KCNMB2: variants seen among roughly 807,000 people sequenced by gnomAD.
KCNMB2 encodes potassium calcium-activated channel subfamily M regulatory beta subunit 2, also known as calcium-activated potassium channel subunit beta-2.
In KCNMB2, 9 loss-of-function variants were observed where a neutral mutation model predicts 24.5. The ratio of observed to expected loss-of-function variants is 0.37; its 90% CI spans 0.22 to 0.64. KCNMB2 has a LOEUF of 0.64. KCNMB2 is among the 30% of genes least tolerant of loss of function. The pLI is 0.63. For synonymous variants in KCNMB2, 109 were observed against 104.4 expected, an observed-to-expected ratio of 1.04 and a Z score of -0.27; for missense variants, 226 against 284.3, an observed-to-expected ratio of 0.79 and a Z score of 1.47.
chr3:178,811,245 G>C (rs897937289), intron 2 of KCNMB2, among the ~76,000 whole-genome samples: 1 of 151,794 alleles, frequency 6.6e-6, no homozygotes, highest in Admixed American at 6.6e-5. Flanking sequence ...AAACATCCAG[G>C]TACCCATCAT....
intron 1 of KCNMB2, among the ~76,000 whole-genome samples, chr3:178,697,898 G>GT (rs35782704): frequency 0.71 from 106,736 of 150,802 alleles, 38,037 homozygotes; most frequent in African/African-American, 0.84. Context: ...TGGGTTAAAA[G>GT]TTTTTTTTTT....
intron 1 of KCNMB2, among the ~76,000 whole-genome samples, chr3:178,794,964 G>A (rs935881708): frequency 6.6e-6 from 1 of 152,120 alleles, no homozygotes; most frequent in Admixed American, 6.5e-5. Flanking sequence ...TGCCTAGGGT[G>A]TAAAAAACAG....
At chr3:178,616,925 T>C (rs968360910) in intron 1 of KCNMB2, among the ~76,000 whole-genome samples, 1 of 152,222 alleles carries the variant, frequency 6.6e-6, no homozygotes, top group African/African-American at 2.4e-5. Context: ...CTGGAATCAA[T>C]GACCAGAGGG....
At chr3:178,663,250 CTAGGGTT>C (rs1422347143) in intron 1 of KCNMB2, among the ~76,000 whole-genome samples, 2 of 152,150 alleles carry the variant, frequency 1.3e-5, no homozygotes, top group African/African-American at 4.8e-5. Context: ...TGTCCCAAAC[CTAGGGTT>C]AATGTGGAGA....
At chr3:178,727,300 G>A (rs535721389) in intron 1 of KCNMB2, among the ~76,000 whole-genome samples, 10 of 151,624 alleles carry the variant, frequency 6.6e-5, no homozygotes, top group Non-Finnish European at 1.3e-4. Context: ...TTTTAGTTTC[G>A]CCTTTTAGGA....
chr3:178,560,068 A>G (rs1404053602), intron 1 of KCNMB2, among the ~76,000 whole-genome samples: 1 of 148,082 alleles, frequency 6.8e-6, no homozygotes, highest in Non-Finnish European at 1.5e-5. Context: ...GAAAATGAAT[A>G]TATAAATTAC....
intron 1 of KCNMB2, among the ~76,000 whole-genome samples, chr3:178,780,448 A>G (rs536676987): frequency 6.6e-6 from 1 of 152,360 alleles, no homozygotes; most frequent in East Asian, 1.9e-4. Context: ...AAAGTTCCTC[A>G]TGAATATGAT....
chr3:178,611,735 C>T (rs1718491676), intron 1 of KCNMB2, among the ~76,000 whole-genome samples: 1 of 151,514 alleles, frequency 6.6e-6, no homozygotes, highest in African/African-American at 2.4e-5. Flanking sequence ...CAAACAAAAA[C>T]CCTTTTTATT....
At chr3:178,600,185 G>A (rs1718028664) in intron 1 of KCNMB2, among the ~76,000 whole-genome samples, 1 of 152,038 alleles carries the variant, frequency 6.6e-6, no homozygotes, top group Admixed American at 6.6e-5. Flanking sequence ...GTTGTGACTA[G>A]CTTATTTTAT....
At chr3:178,720,194 T>C (rs1418895954) in intron 1 of KCNMB2, among the ~76,000 whole-genome samples, 2 of 151,650 alleles carry the variant, frequency 1.3e-5, no homozygotes, top group African/African-American at 2.4e-5. Flanking sequence ...TGTGTTCTCA[T>C]TGTTCAATTC....
intron 2 of KCNMB2, among the ~76,000 whole-genome samples, chr3:178,822,053 C>T (rs1279484220): frequency 6.6e-6 from 1 of 152,162 alleles, no homozygotes; most frequent in Non-Finnish European, 1.5e-5. Flanking sequence ...CTATTCACTA[C>T]AGAATAAAGG....
chr3:178,788,939 A>T (rs1713214763), intron 1 of KCNMB2, among the ~76,000 whole-genome samples: 1 of 152,214 alleles, frequency 6.6e-6, no homozygotes, highest in South Asian at 2.1e-4. Flanking sequence ...CCACCTAGCT[A>T]AAAGTTCAGT....
intron 1 of KCNMB2, among the ~76,000 whole-genome samples, chr3:178,736,140 T>C (rs1049166432): frequency 6.6e-6 from 1 of 152,224 alleles, no homozygotes; most frequent in Non-Finnish European, 1.5e-5. Context: ...CCCTGGACGC[T>C]GAATAAATGT....
intron 1 of KCNMB2, among the ~76,000 whole-genome samples, chr3:178,577,077 CCACAAATGAGGTGTCAACAGGCACCTCA>C (rs933937637): frequency 2.6e-5 from 4 of 152,138 alleles, no homozygotes; most frequent in Non-Finnish European, 5.9e-5. Flanking sequence ...TTGACACCTC[CCACAAATGAGGTGTCAACAGGCACCTCA>C]CACTGGAGAG....
Position 178,828,319 on chromosome 3 carries a change from C to A in KCNMB2, c.369C>A (p.Ser123=). The A allele has an allele frequency of 6.2e-7, 1 of 1,613,916 alleles. No homozygotes were observed. Among genetic ancestry groups the A allele is most frequent in the Non-Finnish European group, 8.5e-7 (1 of 1,179,930 alleles). The change falls in exon 4 of 5, where the codon TCC becomes TCA. Residue 123 remains serine (S), a synonymous_variant. Transcript: ENST00000452583. ...CLQVYVNLTS[S]GEKLLLYHTE... ...AGGTGTACGTTAACCTGACTTCTTC[C>A]GGGGAAAAGCTCCTCCTCTACCACA...
chr3:178,825,575 T>C lies in KCNMB2; in HGVS notation c.57-13T>C. 2.5e-6 allele frequency: 4 copies of C among 1,608,112 alleles called. No homozygotes were observed. Among genetic ancestry groups the C allele is most frequent in the East Asian group, 4.5e-5 (2 of 44,764 alleles). On this transcript the variant is annotated splice_polypyrimidine_tract_variant and intron_variant, in intron 2 of 4. Coordinates refer to ENST00000452583, the MANE Select transcript of KCNMB2 (RefSeq NM_181361.3). ...CTAAACTTAATGTAAGACCATATTG[T>C]TTTTAACCTCAGAAATATTTACCAG...
In KCNMB2 at chr3:178,685,495, C is replaced by A. The variant is rs140862850; in HGVS notation, c.-67-121848C>A. Among the ~76,000 whole-genome samples the A allele has an allele frequency of 4.8e-3, 737 of 152,332 alleles. 1 individual carries two copies. Among genetic ancestry groups the A allele is most frequent in the Non-Finnish European group, 7.0e-3 (476 of 68,028 alleles). On this transcript the variant is annotated intron_variant, in intron 1 of 4. Transcript: ENST00000452583. ...TGTGGGTGTTAGTGCCATCCAAAGG[C>A]AGCCAGAGACCAAGGTGGCTATTGC...
At chr3:178,612,967 T>C (rs1718547970) in intron 1 of KCNMB2, among the ~76,000 whole-genome samples, 1 of 152,216 alleles carries the variant, frequency 6.6e-6, no homozygotes, top group African/African-American at 2.4e-5. Context: ...TAACCCATTA[T>C]TTTAACCTGA....
rs542962655 is a variant in KCNMB2 at position 178,664,975 on chromosome 3, C to T, written c.-68+128264C>T. ...CAAGAAATGTGCTTCATGTATCATACATGAGAAAGGATAGTTGTTTGATAT... is the reference window on the plus strand; with the variant it reads ...CAAGAAATGTGCTTCATGTATCATATATGAGAAAGGATAGTTGTTTGATAT... On this transcript the variant is annotated intron_variant, in intron 1 of 4. Transcript: ENST00000452583. Among the ~76,000 whole-genome samples the T allele has an allele frequency of 1.1e-4, 17 of 152,208 alleles. No homozygotes were observed. In the South Asian group the frequency reaches 3.5e-3, roughly 32 times the overall value.
Sources: gnomAD v4.1 joint callset for allele counts (sites outside exome capture counted in the v4.1 genomes callset) on GRCh38, gnomAD v4.1.1 for gene constraint, MANE v1.5 for transcripts, NCBI Gene and HGNC (gene_info 2026-07-23, HGNC 2026-07-21) for gene names.